TTC6: variants seen among roughly 807,000 people sequenced by gnomAD.
The protein encoded by TTC6 is tetratricopeptide repeat domain 6.
In TTC6, 172 loss-of-function variants were observed where a neutral mutation model predicts 210.4. The observed-to-expected ratio is 0.82, with a 90% confidence interval of 0.72 to 0.93. The LOEUF is 0.93. TTC6 is among the 40% of genes least tolerant of loss of function. The pLI, the probability that TTC6 is intolerant of heterozygous loss-of-function variation, is 0.00. For missense variants in TTC6, 2,414 were observed against 2,318.1 expected (o/e 1.04, Z -0.85); for synonymous variants, 804 against 819.6 (o/e 0.98, Z 0.32).
intron 2 of TTC6, among the ~76,000 whole-genome samples, chr14:37,609,915 G>A (rs1454050785): frequency 2.6e-5 from 4 of 152,230 alleles, no homozygotes; most frequent in Non-Finnish European, 5.9e-5. Flanking sequence ...ACAGGGCAGT[G>A]AGATGTGATG....
chr14:37,828,776 T>C (rs1566978581), intron 29 of TTC6, among the ~76,000 whole-genome samples: 1 of 151,892 alleles, frequency 6.6e-6, no homozygotes, highest in Non-Finnish European at 1.5e-5. Flanking sequence ...TATCAGGATG[T>C]GGATTTAAGT....
At chr14:37,639,998 A>G (rs1286498458) in intron 1 of TTC6, among the ~76,000 whole-genome samples, 3 of 151,326 alleles carry the variant, frequency 2.0e-5, no homozygotes, top group East Asian at 1.9e-4. Flanking sequence ...GTATATGTAT[A>G]TATTAGGTCT....
intron 14 of TTC6, among the ~76,000 whole-genome samples, chr14:37,761,074 C>T (rs575733652): frequency 6.6e-6 from 1 of 152,158 alleles, no homozygotes; most frequent in South Asian, 2.1e-4. Context: ...AAAAAGAACT[C>T]CTGCAGCTAG....
At chr14:37,749,647 A>G in intron 11 of TTC6, 67 bp from the exon 14 acceptor site, 2 of 1,185,794 alleles carry the variant, frequency 1.7e-6, no homozygotes, top group Non-Finnish European at 2.2e-6. Context: ...TGTTTTAAAA[A>G]TTTATTTGAT....
chr14:37,639,435 A>G (rs1178407043), intron 1 of TTC6, among the ~76,000 whole-genome samples: 2 of 152,196 alleles, frequency 1.3e-5, no homozygotes, highest in Non-Finnish European at 2.9e-5. Context: ...TGCTAGCACA[A>G]ATGATATAAT....
chr14:37,653,929 C>T (rs970147814), intron 1 of TTC6, among the ~76,000 whole-genome samples: 1 of 152,090 alleles, frequency 6.6e-6, no homozygotes, highest in Non-Finnish European at 1.5e-5. Flanking sequence ...TTGTTTAATA[C>T]ATTTTGAGGT....
At chr14:37,762,416 G>A (rs1199219234) in intron 14 of TTC6, among the ~76,000 whole-genome samples, 1 of 152,100 alleles carries the variant, frequency 6.6e-6, no homozygotes, top group Admixed American at 6.6e-5. Context: ...TTTCATAATG[G>A]CTGTATTAAC....
intron 6 of TTC6, among the ~76,000 whole-genome samples, chr14:37,718,420 C>T (rs577070999): frequency 5.3e-5 from 8 of 152,228 alleles, no homozygotes; most frequent in African/African-American, 1.9e-4. Context: ...GAAACTTCTA[C>T]AGCTTGATAA....
intron 25 of TTC6, among the ~76,000 whole-genome samples, chr14:37,814,163 A>C (rs2096136141): frequency 6.6e-6 from 1 of 152,328 alleles, no homozygotes; most frequent in Admixed American, 6.5e-5. Flanking sequence ...GCAAGACCTT[A>C]CTTGATATGA....
At chr14:37,785,601 C>T (rs955764964) in intron 14 of TTC6, among the ~76,000 whole-genome samples, 4 of 152,154 alleles carry the variant, frequency 2.6e-5, no homozygotes, top group Non-Finnish European at 4.4e-5. Context: ...TTTTACCGAT[C>T]GTCTGAAGCC....
At chr14:37,692,349 A>G (rs1429954582) in intron 3 of TTC6, among the ~76,000 whole-genome samples, 5 of 151,918 alleles carry the variant, frequency 3.3e-5, no homozygotes, top group Admixed American at 1.3e-4. Context: ...CATTCATGAC[A>G]AAGTGGGATA....
At chr14:37,700,750 C>CAAAAAAAAA (rs35091344) in intron 4 of TTC6, among the ~76,000 whole-genome samples, 1 of 62,272 alleles carries the variant, frequency 1.6e-5, no homozygotes, top group Non-Finnish European at 2.6e-5. Context: ...CTCCATCTCA[C>CAAAAAAAAA]AAAAAAAAAA....
chr14:37,695,475 C>A (rs2095813028), intron 3 of TTC6, among the ~76,000 whole-genome samples: 1 of 152,088 alleles, frequency 6.6e-6, no homozygotes. Context: ...CTGCCTCAGT[C>A]TCCTGAGTAG....
chr14:37,743,581 G>A (rs2095927451), intron 10 of TTC6, among the ~76,000 whole-genome samples: 2 of 152,182 alleles, frequency 1.3e-5, no homozygotes, highest in Non-Finnish European at 2.9e-5. Context: ...ATGCATGTAT[G>A]TGTGTATAAT....
chr14:37,689,434 C>A (rs1771966016), intron 3 of TTC6, among the ~76,000 whole-genome samples: 2 of 151,906 alleles, frequency 1.3e-5, no homozygotes, highest in Admixed American at 1.3e-4. Context: ...ACTTCCCCAA[C>A]CTGAAGAAAG....
intron 26 of TTC6, among the ~76,000 whole-genome samples, chr14:37,821,633 T>C (rs2096157415): frequency 6.6e-6 from 1 of 152,142 alleles, no homozygotes; most frequent in Non-Finnish European, 1.5e-5. Context: ...CATGTACCTG[T>C]TATTTTTCAT....
At chr14:37,703,504 C>T (rs772460533) in intron 5 of TTC6, among the ~76,000 whole-genome samples, 3 of 152,062 alleles carry the variant, frequency 2.0e-5, no homozygotes, top group Non-Finnish European at 4.4e-5. Flanking sequence ...TTTTTTTCTG[C>T]ACTACCAAGC....
chr14:37,765,325 AT>A lies in TTC6; in HGVS notation c.3266+12110del, dbSNP rs967504305. Among the ~76,000 whole-genome samples, 1,178 of 132,920 alleles carry A rather than the reference AT, an allele frequency of 8.9e-3. 4 individuals are homozygous for A. The highest frequency in any genetic ancestry group is 0.023 in the African/African-American group (843 of 36,372). 87.2% of individuals were successfully genotyped at this position (132,920 alleles called of 152,430 possible). Reference sequence around the variant, plus strand: ...CTATAGGTGCACACCACCACACCTAATTTTTTTTTTTTTTTTTTTTGTAGAG... The same window carrying A: ...CTATAGGTGCACACCACCACACCTAATTTTTTTTTTTTTTTTTTTGTAGAG... On this transcript the variant is annotated intron_variant, in intron 14 of 30. Transcript: ENST00000553443.
At chr14:37,761,571 G>C (rs1421932236) in intron 14 of TTC6, among the ~76,000 whole-genome samples, 1 of 151,992 alleles carries the variant, frequency 6.6e-6, no homozygotes, top group Non-Finnish European at 1.5e-5. Context: ...ACCATCATCA[G>C]GTCATTTCCA....
Sources: gnomAD v4.1 joint callset for allele counts (sites outside exome capture counted in the v4.1 genomes callset) on GRCh38, gnomAD v4.1.1 for gene constraint, MANE v1.5 for transcripts, NCBI Gene and HGNC (gene_info 2026-07-23, HGNC 2026-07-21) for gene names.